Variants in NDRG3 observed in about 807,000 individuals in gnomAD.
NDRG3 encodes protein NDRG3.
NDRG3 carries 23 observed loss-of-function variants against 57.2 expected under a neutral mutation model. That is an observed-to-expected ratio of 0.40 (90% CI 0.29 to 0.57). NDRG3 has a LOEUF of 0.57. Among genes scored for constraint, NDRG3 ranks in the 20% least tolerant of loss-of-function variants. The pLI, the probability that NDRG3 is intolerant of heterozygous loss-of-function variation, is 0.42. For synonymous variants in NDRG3, 132 were observed against 162.6 expected, an observed-to-expected ratio of 0.81 and a Z score of 1.43; for missense variants, 384 against 457.3, an observed-to-expected ratio of 0.84 and a Z score of 1.46.
intron 10 of NDRG3, 33 bp downstream of exon 10, chr20:36,666,256 A>T: frequency 6.7e-7 from 1 of 1,493,276 alleles, no homozygotes; most frequent in Non-Finnish European, 9.3e-7. Flanking sequence ...GAACCTGTTT[A>T]CATTTAAGTG....
At chr20:36,692,079 T>C (rs1307265791) in intron 3 of NDRG3, among the ~76,000 whole-genome samples, 1 of 152,178 alleles carries the variant, frequency 6.6e-6, no homozygotes, top group Non-Finnish European at 1.5e-5. Flanking sequence ...TTACCTTCAC[T>C]AAACAGACAG....
chr20:36,653,360 G>A lies in NDRG3; in HGVS notation c.*160C>T. 2 of 619,246 alleles carry A rather than the reference G, an allele frequency of 3.2e-6. No individual in the cohort carries two copies. Among genetic ancestry groups the A allele is most frequent in the Non-Finnish European group, 2.7e-6 (1 of 363,772 alleles). The allele number at this position is 619,246 out of a possible 1,614,324, so 38.4% of individuals were successfully genotyped here. A position where few individuals can be genotyped will look rare whatever the true frequency, so the allele number is the denominator to read the frequency against. ...TCTTGGGCTATACAAAAAAGGGGGTGGGCAGGCAGAGAGAATGATAAATCC... is the reference window on the plus strand; with the variant it reads ...TCTTGGGCTATACAAAAAAGGGGGTAGGCAGGCAGAGAGAATGATAAATCC... On this transcript the variant is annotated 3_prime_UTR_variant, in exon 16 of 16. Transcript: ENST00000349004. The surrounding 1 kb of genome is among the most constrained non-coding windows in gnomAD (Gnocchi z 4.2).
intron 7 of NDRG3, among the ~76,000 whole-genome samples, chr20:36,681,414 G>A (rs541516458): frequency 6.6e-6 from 1 of 152,020 alleles, no homozygotes; most frequent in Non-Finnish European, 1.5e-5. Context: ...GAGGAGGGTG[G>A]ATCACGAGGT....
At chr20:36,685,467 T>G (rs1047015862) in intron 5 of NDRG3, among the ~76,000 whole-genome samples, 3 of 152,072 alleles carry the variant, frequency 2.0e-5, no homozygotes, top group African/African-American at 7.2e-5. Context: ...CATGCCACCA[T>G]GCCTGGCTAA....
intron 3 of NDRG3, among the ~76,000 whole-genome samples, chr20:36,697,662 C>T (rs6101847): frequency 1.9e-4 from 28 of 151,132 alleles, no homozygotes; most frequent in Non-Finnish European, 3.7e-4. Context: ...GGGCCAAGAC[C>T]GTGCCATCGC....
chr20:36,693,773 T>C (rs984157260), intron 3 of NDRG3, among the ~76,000 whole-genome samples: 2 of 151,688 alleles, frequency 1.3e-5, no homozygotes, highest in South Asian at 2.1e-4. Flanking sequence ...CACCCCCACA[T>C]GGGACCATCT....
intron 1 of NDRG3, among the ~76,000 whole-genome samples, chr20:36,744,210 G>A (rs574592467): frequency 1.3e-5 from 2 of 152,216 alleles, no homozygotes; most frequent in South Asian, 4.2e-4. Context: ...TCCATAAACA[G>A]GCTTTTTGAT....
intron 1 of NDRG3, among the ~76,000 whole-genome samples, chr20:36,740,363 T>C (rs1050884062): frequency 6.6e-6 from 1 of 152,258 alleles, no homozygotes; most frequent in African/African-American, 2.4e-5. Flanking sequence ...TTTTTGTTTT[T>C]TGAGACGGAG....
At position 36,656,396 on chromosome 20, in the gene NDRG3, C is replaced by G; in HGVS notation, c.910G>C (p.Glu304Gln). The G allele has an allele frequency of 6.2e-7, 1 of 1,614,092 alleles. No homozygotes were observed. The highest frequency in any genetic ancestry group is 1.7e-5 in the Admixed American group (1 of 59,994). Residue 304 changes from glutamate (E) to glutamine (Q), a missense_variant, in exon 15 of 16, where the codon GAG (glutamate) becomes CAG (glutamine). Transcript: ENST00000349004. ...PQVVQPGKLT[E>Q]AFKYFLQGMG... ...CCCTGCAAAAAGTACTTGAAGGCCTCGGTGAGCTTCCCAGGCTGGGGGGAT... is the reference window on the plus strand; with the variant it reads ...CCCTGCAAAAAGTACTTGAAGGCCTGGGTGAGCTTCCCAGGCTGGGGGGAT...
At chr20:36,714,126 C>T (rs1171452899) in intron 2 of NDRG3, among the ~76,000 whole-genome samples, 1 of 152,002 alleles carries the variant, frequency 6.6e-6, no homozygotes, top group Non-Finnish European at 1.5e-5. Flanking sequence ...CGCGGTGGCT[C>T]ATGCCTGTAA....
At chr20:36,742,637 C>T (rs995687561) in intron 1 of NDRG3, among the ~76,000 whole-genome samples, 1 of 152,148 alleles carries the variant, frequency 6.6e-6, no homozygotes, top group Non-Finnish European at 1.5e-5. Context: ...ATGAAACACC[C>T]CATGTAGGAA....
At chr20:36,725,175 TAATC>T (rs1363313525) in intron 1 of NDRG3, among the ~76,000 whole-genome samples, 1 of 152,020 alleles carries the variant, frequency 6.6e-6, no homozygotes, top group Non-Finnish European at 1.5e-5. Flanking sequence ...TGCACGCCTG[TAATC>T]CCAGCTACTC....
chr20:36,679,096 G>A (rs778381872), intron 8 of NDRG3, among the ~76,000 whole-genome samples: 2 of 152,078 alleles, frequency 1.3e-5, no homozygotes, highest in Admixed American at 1.3e-4. Flanking sequence ...GATTACAGAT[G>A]TGTACCATCA....
At chr20:36,710,437 C>A (rs868451749) in intron 2 of NDRG3, among the ~76,000 whole-genome samples, 1 of 152,118 alleles carries the variant, frequency 6.6e-6, no homozygotes, top group African/African-American at 2.4e-5. Flanking sequence ...GCATGTATTT[C>A]CCTTTCTGAA....
At chr20:36,708,771 C>T (rs915112812) in intron 2 of NDRG3, among the ~76,000 whole-genome samples, 4 of 152,056 alleles carry the variant, frequency 2.6e-5, no homozygotes, top group Admixed American at 6.6e-5. Flanking sequence ...CGGTGGCTCA[C>T]GCCTGTAATC....
At chr20:36,744,395 G>A (rs943520211) in intron 1 of NDRG3, among the ~76,000 whole-genome samples, 1 of 152,140 alleles carries the variant, frequency 6.6e-6, no homozygotes, top group Non-Finnish European at 1.5e-5. Context: ...AATGAAAAGG[G>A]GGGGTGGAAA....
chr20:36,653,744 TA>T lies in NDRG3; in HGVS notation c.947-44del. On this transcript the variant is annotated intron_variant, in intron 15 of 15. Coordinates refer to ENST00000349004, the MANE Select transcript of NDRG3 (RefSeq NM_032013.4). The surrounding 1 kb of genome is among the most constrained non-coding windows in gnomAD (Gnocchi z 4.2). ...GGGGACTAGAAGATGAAGCCCCGGT[TA>T]AGCCCAGCTAACCTAGGAGTCTCAT... is the stretch of plus-strand genomic sequence containing the variant. The T allele has an allele frequency of 6.4e-7, 1 of 1,571,954 alleles. No homozygotes were observed. The highest frequency in any genetic ancestry group is 1.1e-5 in the South Asian group (1 of 88,914).
intron 8 of NDRG3, among the ~76,000 whole-genome samples, chr20:36,679,124 A>G (rs1303639229): frequency 6.6e-6 from 1 of 151,994 alleles, no homozygotes; most frequent in South Asian, 2.1e-4. Context: ...CACCCCAGCT[A>G]ATTTTCGTAT....
intron 1 of NDRG3, among the ~76,000 whole-genome samples, chr20:36,742,616 C>T (rs1163056315): frequency 6.6e-6 from 1 of 152,272 alleles, no homozygotes; most frequent in East Asian, 1.9e-4. Context: ...TCCTGAATAA[C>T]ATACAATTTT....
Sources: allele counts gnomAD v4.1 joint callset (sites outside exome capture counted in the v4.1 genomes callset), GRCh38; gene constraint gnomAD v4.1.1; non-coding constraint Gnocchi (gnomAD v3.1); transcripts MANE v1.5; gene names NCBI Gene and HGNC (gene_info 2026-07-23, HGNC 2026-07-21).